The following SIK3 variants were observed in gnomAD, a reference collection of about 807,000 sequenced individuals.
SIK3 encodes the protein SIK family kinase 3.
Under a neutral mutation model 144.2 loss-of-function variants are expected in SIK3, and 28 were observed. That is an observed-to-expected ratio of 0.19 (90% CI 0.14 to 0.27). The LOEUF is 0.27. SIK3 is among the 10% of genes least tolerant of loss of function. The pLI is 1.00. For missense variants in SIK3, 1,319 were observed against 1,776.0 expected (o/e 0.74, Z 4.62); for synonymous variants, 686 against 676.3 (o/e 1.01, Z -0.22).
chr11:117,062,411 T>C (rs867003759), intron 1 of SIK3, among the ~76,000 whole-genome samples: 1 of 152,176 alleles, frequency 6.6e-6, no homozygotes, highest in Non-Finnish European at 1.5e-5. Flanking sequence ...ACAACGTGCA[T>C]TTCCATTGGC....
chr11:117,044,952 C>A (rs1267322360), intron 1 of SIK3, among the ~76,000 whole-genome samples: 1 of 152,162 alleles, frequency 6.6e-6, no homozygotes, highest in Non-Finnish European at 1.5e-5. Flanking sequence ...GTAATAACAT[C>A]GGCAAATCAG....
At position 116,843,788 on chromosome 11, in the gene SIK3, C is replaced by T. The variant is rs1327210101; in HGVS notation, c.*1855G>A. The stretch of plus-strand genomic sequence containing the variant: ...TAGGGCTTTCTTGGTAAGCCCCCTT[C>T]TGGTGAGTAGTTGGTGACCCCACCA... On this transcript the variant is annotated 3_prime_UTR_variant, in exon 25 of 25. Coordinates refer to ENST00000445177, the MANE Select transcript of SIK3 (RefSeq NM_001366686.3). 1 of 152,188 alleles carries T rather than the reference C, an allele frequency of 6.6e-6. No homozygotes were observed. Among genetic ancestry groups the T allele is most frequent in the African/African-American group, 2.4e-5 (1 of 41,430 alleles). 9.4% of individuals were successfully genotyped at this position (152,188 alleles called of 1,614,324 possible). A position where few individuals can be genotyped will look rare whatever the true frequency, so the allele number is the denominator to read the frequency against.
intron 1 of SIK3, among the ~76,000 whole-genome samples, chr11:117,014,901 T>C (rs1270430285): frequency 2.6e-5 from 4 of 151,998 alleles, no homozygotes; most frequent in South Asian, 2.1e-4. Context: ...CTGTTTCTAC[T>C]AAAAATATGA....
At chr11:117,009,894 C>G (rs1214078535) in intron 1 of SIK3, among the ~76,000 whole-genome samples, 2 of 152,184 alleles carry the variant, frequency 1.3e-5, no homozygotes, top group African/African-American at 4.8e-5. Flanking sequence ...TGCCCAACTT[C>G]TAGATTAACA....
intron 1 of SIK3, among the ~76,000 whole-genome samples, chr11:116,991,421 T>C (rs968555805): frequency 2.6e-5 from 4 of 152,174 alleles, no homozygotes; most frequent in Admixed American, 1.3e-4. Flanking sequence ...CGCTCCAGTA[T>C]GGGCAATAGA....
intron 4 of SIK3, among the ~76,000 whole-genome samples, chr11:116,898,091 A>C (rs947219713): frequency 1.3e-5 from 2 of 151,988 alleles, no homozygotes; most frequent in Admixed American, 6.6e-5. Flanking sequence ...GTCATCTAGC[A>C]TTAGGTATAT....
rs71037440 is a variant in SIK3, at chr11:117,013,899, AG to A, written c.274-56836del. ...CATGGATATAAGTCTCCAGATTCTG[AG>A]GGGGGGGGGGGGAGGGTGTGTGTGT... On this transcript the variant is annotated intron_variant, in intron 1 of 24. Transcript: ENST00000445177. Among the ~76,000 whole-genome samples the A allele has an allele frequency of 5.4e-3, 144 of 26,630 alleles. 3 individuals are homozygous for A. Among genetic ancestry groups the A allele is most frequent in the East Asian group, 9.7e-3 (5 of 516 alleles). 17.5% of individuals were successfully genotyped at this position (26,630 alleles called of 152,430 possible). A position where few individuals can be genotyped will look rare whatever the true frequency, so the allele number is the denominator to read the frequency against.
chr11:116,957,129 G>T, intron 1 of SIK3, 65 bp from the exon 2 acceptor site: 1 of 823,794 alleles, frequency 1.2e-6, no homozygotes, highest in Non-Finnish European at 1.9e-6. Context: ...AGAAAAATTA[G>T]GTTCACTTTA....
chr11:117,037,070 T>C (rs138051729), intron 1 of SIK3, among the ~76,000 whole-genome samples: 172 of 152,290 alleles, frequency 1.1e-3, no homozygotes, highest in African/African-American at 3.4e-3. Context: ...CCTAAGAATA[T>C]TGGGGGCTTT....
At chr11:117,044,326 T>C (rs932349854) in intron 1 of SIK3, among the ~76,000 whole-genome samples, 8 of 152,208 alleles carry the variant, frequency 5.3e-5, no homozygotes, top group Admixed American at 2.0e-4. Context: ...TCAGTGATCA[T>C]AGCAGACTTA....
chr11:116,896,645 A>C lies in SIK3; in HGVS notation c.742-269T>G, dbSNP rs199623249. 3.9e-5 allele frequency among the ~76,000 whole-genome samples: 6 copies of C among 152,334 alleles called. No individual in the cohort carries two copies. In the East Asian group the frequency reaches 1.2e-3, roughly 29 times the overall value. ...TCTTCTTGGCAACGGCCCCCATCCAAGCTGGCCCTTGGGCTTCTTTTGCAA... is the reference window on the plus strand; with the variant it reads ...TCTTCTTGGCAACGGCCCCCATCCACGCTGGCCCTTGGGCTTCTTTTGCAA... On this transcript the variant is annotated intron_variant, in intron 5 of 24. Coordinates refer to ENST00000445177, the MANE Select transcript of SIK3 (RefSeq NM_001366686.3).
chr11:116,857,690 G>C (rs1295864510), intron 21 of SIK3, 120 bp downstream of exon 21: 1 of 1,447,722 alleles, frequency 6.9e-7, no homozygotes, highest in African/African-American at 1.4e-5. Context: ...AGAAGGTCGT[G>C]AAGCTCAGAA....
At position 116,861,283 on chromosome 11, in the gene SIK3, G is replaced by T; in HGVS notation, c.2416C>A (p.Gln806Lys). The change falls in exon 19 of 25, where the codon CAG (glutamine) becomes AAG (lysine). Residue 806 changes from glutamine to lysine, a missense_variant. Transcript: ENST00000445177. ...SPPPMSSAMI[Q>K]PHGAASSSQF... is the part of the protein sequence containing the mutation. ...GAACCTCTCCACTCACCGTGAGGCT[G>T]GATCATGGCACTGCTCATGGGGGGA... 1 of 1,592,304 alleles carries T rather than the reference G, an allele frequency of 6.3e-7. No individual in the cohort carries two copies. Among genetic ancestry groups the T allele is most frequent in the Non-Finnish European group, 8.5e-7 (1 of 1,172,668 alleles).
At chr11:116,908,480 A>ACAAC (rs546570220) in intron 4 of SIK3, among the ~76,000 whole-genome samples, 285 of 152,268 alleles carry the variant, frequency 1.9e-3, no homozygotes, top group Admixed American at 4.6e-3. Context: ...CCCTATCTCA[A>ACAAC]CAACCAACCA....
At chr11:117,089,715 A>T (rs148734643) in intron 1 of SIK3, among the ~76,000 whole-genome samples, 14 of 152,216 alleles carry the variant, frequency 9.2e-5, no homozygotes, top group African/African-American at 3.1e-4. Flanking sequence ...CAGAAATTTG[A>T]TAATTTTTCA....
intron 8 of SIK3, 66 bp from the exon 9 acceptor site, chr11:116,876,075 T>C: frequency 6.3e-7 from 1 of 1,592,388 alleles, no homozygotes; most frequent in Non-Finnish European, 8.6e-7. Flanking sequence ...ACCAGAACCC[T>C]TTCAGTAATA....
At position 116,849,974 on chromosome 11, in the gene SIK3, C is replaced by T. The variant is rs1156722414; in HGVS notation, c.3656-691G>A. 1.3e-5 allele frequency among the ~76,000 whole-genome samples: 2 copies of T among 152,178 alleles called. No individual in the cohort carries two copies. The highest frequency in any genetic ancestry group is 2.4e-5 in the African/African-American group (1 of 41,446). ...ACCAGCATGTAACACTTACCATGTC[C>T]AATTCCAAACCCATCCACTTCCCCC... is the stretch of plus-strand genomic sequence containing the variant. On this transcript the variant is annotated intron_variant, in intron 21 of 24. Transcript: ENST00000445177. The surrounding 1 kb of genome is among the most constrained non-coding windows in gnomAD (Gnocchi z 4.2).
At chr11:117,089,715 A>G (rs148734643) in intron 1 of SIK3, among the ~76,000 whole-genome samples, 420 of 152,334 alleles carry the variant, frequency 2.8e-3, no homozygotes, top group Non-Finnish European at 4.7e-3. Flanking sequence ...CAGAAATTTG[A>G]TAATTTTTCA....
intron 21 of SIK3, chr11:116,857,523 G>T: frequency 2.5e-6 from 1 of 399,242 alleles, no homozygotes; most frequent in Non-Finnish European, 4.4e-6. Context: ...TGTTTGGATG[G>T]CAGTCAGGAA....
Sources: allele counts gnomAD v4.1 joint callset (sites outside exome capture counted in the v4.1 genomes callset), GRCh38; gene constraint gnomAD v4.1.1; non-coding constraint Gnocchi (gnomAD v3.1); transcripts MANE v1.5; gene names NCBI Gene and HGNC (gene_info 2026-07-23, HGNC 2026-07-21).